The following WDR93 variants were observed in gnomAD, a reference collection of about 807,000 sequenced individuals.
WDR93 encodes the protein WD repeat domain 93, also known as WD repeat-containing protein 93.
In WDR93, 73 loss-of-function variants were observed where a neutral mutation model predicts 82.9. The ratio of observed to expected loss-of-function variants is 0.88; its 90% confidence interval spans 0.73 to 1.07. The LOEUF is 1.07. Ranked by LOEUF, WDR93 falls within the 50% of genes least tolerant of loss-of-function variation. The probability of loss-of-function intolerance (pLI) is 0.00; values close to 1 mark genes in which losing one functional copy is unlikely to be tolerated. For missense variants in WDR93, 738 were observed against 826.0 expected (o/e 0.89, Z 1.31); for synonymous variants, 283 against 300.1 (o/e 0.94, Z 0.59).
At chr15:89,717,337 GGC>G (rs906084906) in intron 7 of WDR93, among the ~76,000 whole-genome samples, 1 of 152,222 alleles carries the variant, frequency 6.6e-6, no homozygotes, top group Middle Eastern at 3.4e-3. Context: ...TGGGATTATA[GGC>G]GTGAGTCACC....
intron 12 of WDR93, among the ~76,000 whole-genome samples, chr15:89,732,603 CTTG>C (rs1215613580): frequency 1.4e-5 from 2 of 144,794 alleles, no homozygotes; most frequent in Non-Finnish European, 3.0e-5. Flanking sequence ...ATATTAAGTT[CTTG>C]TTGTTTGGCC....
intron 9 of WDR93, among the ~76,000 whole-genome samples, chr15:89,728,008 G>A (rs1368221801): frequency 6.6e-6 from 1 of 151,960 alleles, no homozygotes; most frequent in Non-Finnish European, 1.5e-5. Flanking sequence ...TGGAACCCAG[G>A]AGATGGAGGC....
intron 2 of WDR93, 23 bp from the exon 3 acceptor site, chr15:89,702,927 A>G: frequency 6.2e-7 from 1 of 1,610,788 alleles, no homozygotes; most frequent in South Asian, 1.1e-5. Context: ...ACTGAAAATA[A>G]TATTTTTTCT....
At chr15:89,741,226 GATTTT>G (rs917552539) in intron 16 of WDR93, among the ~76,000 whole-genome samples, 12 of 152,108 alleles carry the variant, frequency 7.9e-5, no homozygotes, top group African/African-American at 2.4e-4. Context: ...AAGTAAAAGG[GATTTT>G]ATTTTATTTT....
intron 4 of WDR93, among the ~76,000 whole-genome samples, chr15:89,711,366 G>C (rs1038887322): frequency 1.3e-5 from 2 of 152,028 alleles, no homozygotes; most frequent in African/African-American, 4.8e-5. Context: ...AGAGACTTAG[G>C]AGATACATTA....
At chr15:89,726,318 G>C (rs192416969) in intron 8 of WDR93, among the ~76,000 whole-genome samples, 299 of 152,338 alleles carry the variant, frequency 2.0e-3, no homozygotes, top group Admixed American at 7.5e-3. Context: ...GTAGGTCTGG[G>C]GTGGGCCCTG....
chr15:89,723,815 C>T (rs1313278330), intron 8 of WDR93, among the ~76,000 whole-genome samples: 4 of 152,170 alleles, frequency 2.6e-5, no homozygotes, highest in Non-Finnish European at 4.4e-5. Context: ...AACTTAACCC[C>T]TGCCTCATGT....
chr15:89,694,504 G>T (rs1182737806), intron 1 of WDR93, among the ~76,000 whole-genome samples: 2 of 151,980 alleles, frequency 1.3e-5, no homozygotes, highest in Non-Finnish European at 2.9e-5. Context: ...CAAAGTGCTG[G>T]GATTACAGGC....
intron 14 of WDR93, among the ~76,000 whole-genome samples, chr15:89,736,749 G>A (rs1456555450): frequency 2.6e-5 from 4 of 151,810 alleles, no homozygotes; most frequent in African/African-American, 9.7e-5. Flanking sequence ...GTGGGGAGGG[G>A]AAAGTGGTGT....
intron 14 of WDR93, 97 bp downstream of exon 14, chr15:89,735,650 T>C: frequency 1.6e-6 from 2 of 1,281,118 alleles, no homozygotes; most frequent in Non-Finnish European, 2.3e-6. Context: ...ATTGAAGGCC[T>C]GTTATGTGTT....
rs775844185 is a variant in WDR93 at position 89,714,931 on chromosome 15, T to A, written c.641-49T>A. On this transcript the variant is annotated intron_variant, in intron 5 of 16. Transcript: ENST00000268130. ...AGACAGGCCATTTCTCAGAGGAAACTTGTGGCTCTCTTACAGTTGCTCAAT... is the reference window on the plus strand; with the variant it reads ...AGACAGGCCATTTCTCAGAGGAAACATGTGGCTCTCTTACAGTTGCTCAAT... 4 of 1,517,676 alleles carry A rather than the reference T, an allele frequency of 2.6e-6. No individual in the cohort carries two copies. In the South Asian group the frequency reaches 4.6e-5, roughly 18 times the overall value. 94.0% of individuals were successfully genotyped at this position (1,517,676 alleles called of 1,614,324 possible). A position where few individuals can be genotyped will look rare whatever the true frequency, so the allele number is the denominator to read the frequency against.
In WDR93 at chr15:89,713,662, G is replaced by A. The variant is rs373787113; in HGVS notation, c.641-1318G>A. Among the ~76,000 whole-genome samples, 6 of 152,036 alleles carry A rather than the reference G, an allele frequency of 3.9e-5. No homozygotes were observed. The East Asian group carries it at 7.7e-4, about 20-fold the overall frequency. ...TAATTTTTATATTTTTAGTAGAGAC[G>A]GGGTTTCACCATGTTGGCCAGGCTG... On this transcript the variant is annotated intron_variant, in intron 5 of 16. Transcript: ENST00000268130.
chr15:89,726,400 G>A (rs1966738837), intron 8 of WDR93, among the ~76,000 whole-genome samples: 2 of 152,346 alleles, frequency 1.3e-5, no homozygotes, highest in South Asian at 4.1e-4. Flanking sequence ...TTGAGAGCTA[G>A]TGTATCATAC....
chr15:89,733,352 T>A, intron 13 of WDR93, 133 bp downstream of exon 13: 2 of 815,086 alleles, frequency 2.5e-6, no homozygotes, highest in Non-Finnish European at 1.9e-6. Context: ...GGTGAGCTTC[T>A]GAAGATCACC....
intron 7 of WDR93, among the ~76,000 whole-genome samples, chr15:89,718,750 T>C (rs1966377450): frequency 6.6e-6 from 1 of 152,156 alleles, no homozygotes; most frequent in African/African-American, 2.4e-5. Flanking sequence ...ATCACCATTA[T>C]TAGCTTGACA....
chr15:89,692,098 C>T (rs1964919801), intron 1 of WDR93, among the ~76,000 whole-genome samples: 1 of 152,160 alleles, frequency 6.6e-6, no homozygotes, highest in Admixed American at 6.6e-5. Flanking sequence ...GCCTTGTATA[C>T]CATCCTGATA....
At chr15:89,705,281 G>T (rs1036210053) in intron 3 of WDR93, 16 of 436,312 alleles carry the variant, frequency 3.7e-5, no homozygotes, top group Non-Finnish European at 5.4e-5. Context: ...ACCAGTGGAT[G>T]GATGTAGCCC....
chr15:89,723,832 CA>C (rs1369425155), intron 8 of WDR93, among the ~76,000 whole-genome samples: 2 of 152,130 alleles, frequency 1.3e-5, no homozygotes, highest in African/African-American at 4.8e-5. Flanking sequence ...ATGTCGTACA[CA>C]AAACTAAATT....
At chr15:89,696,571 T>C (rs1965188703) in intron 1 of WDR93, among the ~76,000 whole-genome samples, 1 of 152,166 alleles carries the variant, frequency 6.6e-6, no homozygotes, top group Non-Finnish European at 1.5e-5. Flanking sequence ...CATGGCTCAC[T>C]GCAGCCTTGA....
Sources: gnomAD v4.1 joint callset for allele counts (sites outside exome capture counted in the v4.1 genomes callset) on GRCh38, gnomAD v4.1.1 for gene constraint, MANE v1.5 for transcripts, NCBI Gene and HGNC (gene_info 2026-07-23, HGNC 2026-07-21) for gene names.